The following RBFOX1 variants were observed in gnomAD, a reference collection of about 807,000 sequenced individuals.
RBFOX1 encodes the protein RNA binding fox-1 homolog 1.
RBFOX1 carries 8 observed loss-of-function variants against 57.7 expected under a neutral mutation model. The observed-to-expected ratio is 0.14, with a 90% confidence interval of 0.08 to 0.25. RBFOX1 has a LOEUF of 0.25. Ranked by LOEUF, RBFOX1 falls within the 10% of genes least tolerant of loss-of-function variation. The pLI, the probability that RBFOX1 is intolerant of heterozygous loss-of-function variation, is 1.00. For missense variants in RBFOX1, 611 were observed against 548.5 expected, an observed-to-expected ratio of 1.11 and a Z score of -1.14; for synonymous variants, 326 against 222.4, an observed-to-expected ratio of 1.47 and a Z score of -4.15.
chr16:7,029,612 T>A (rs965908123), intron 3 of RBFOX1, among the ~76,000 whole-genome samples: 6 of 152,132 alleles, frequency 3.9e-5, no homozygotes, highest in African/African-American at 1.4e-4. Context: ...TCATTGACAA[T>A]TTGTGGCAAA....
chr16:5,753,303 TAAAA>T (rs2053277839), intron 3 of RBFOX1, among the ~76,000 whole-genome samples: 1 of 152,286 alleles, frequency 6.6e-6, no homozygotes. Flanking sequence ...ATAGAACACT[TAAAA>T]AAATCCTCAT....
chr16:6,412,394 G>A (rs569986091), intron 2 of RBFOX1, among the ~76,000 whole-genome samples: 95 of 152,188 alleles, frequency 6.2e-4, no homozygotes, highest in Middle Eastern at 3.4e-3. Context: ...TTTTAAAGGA[G>A]GCCTTATTAG....
At chr16:5,821,288 CTTTTTTTATTTT>C (rs1567586090) in intron 3 of RBFOX1, among the ~76,000 whole-genome samples, 1 of 125,450 alleles carries the variant, frequency 8.0e-6, no homozygotes, top group Non-Finnish European at 1.7e-5. Context: ...GTCATTCTCT[CTTTTTTTATTTT>C]TTTTTTTTTT....
chr16:6,696,281 T>C (rs1240398008), intron 3 of RBFOX1, among the ~76,000 whole-genome samples: 1 of 152,230 alleles, frequency 6.6e-6, no homozygotes, highest in Non-Finnish European at 1.5e-5. Context: ...TTTAAACTTA[T>C]CTCCAAACTA....
In RBFOX1 at chr16:7,709,105, G is replaced by A; in HGVS notation, c.1045G>A (p.Ala349Thr). ...ADPYHHALAP[A>T]PTYGVGAMNA... Reference sequence around the variant, plus strand: ...CCCCTACCACCACGCACTTGCTCCAGCCCCCACCTACGGCGTTGGTGCCAT... The same window carrying A: ...CCCCTACCACCACGCACTTGCTCCAACCCCCACCTACGGCGTTGGTGCCAT... Residue 349 changes from alanine to threonine, a missense_variant, in exon 15 of 16, where the codon GCC becomes ACC. Around this residue, in one of 3 missense-constraint regions of RBFOX1, gnomAD observed 267 missense variants for 229.1 expected, o/e 1.17. Coordinates refer to ENST00000550418, the MANE Select transcript of RBFOX1 (RefSeq NM_018723.4). 1.9e-6 allele frequency: 3 copies of A among 1,613,798 alleles called. No individual in the cohort carries two copies. Among genetic ancestry groups the A allele is most frequent in the Non-Finnish European group, 2.5e-6 (3 of 1,179,828 alleles).
chr16:6,392,884 C>G (rs7195826), intron 2 of RBFOX1, among the ~76,000 whole-genome samples: 3 of 152,132 alleles, frequency 2.0e-5, no homozygotes, highest in Admixed American at 6.5e-5. Context: ...TTTTATCAGA[C>G]GCAACACCAG....
intron 3 of RBFOX1, among the ~76,000 whole-genome samples, chr16:7,049,004 C>T (rs1219660449): frequency 6.6e-6 from 1 of 152,048 alleles, no homozygotes; most frequent in South Asian, 2.1e-4. Flanking sequence ...GTAGTCTATT[C>T]CTTAGTTCAA....
At chr16:7,031,789 T>C (rs2042868201) in intron 3 of RBFOX1, among the ~76,000 whole-genome samples, 1 of 152,158 alleles carries the variant, frequency 6.6e-6, no homozygotes, top group South Asian at 2.1e-4. Flanking sequence ...AAGATGCAGA[T>C]GGCTTGTGTC....
At chr16:7,411,020 A>C in intron 4 of RBFOX1, among the ~76,000 whole-genome samples, 1 of 152,250 alleles carries the variant, frequency 6.6e-6, no homozygotes, top group East Asian at 1.9e-4. Context: ...ATCTTGGCTC[A>C]CTGCACCCTC....
intron 1 of RBFOX1, among the ~76,000 whole-genome samples, chr16:6,171,487 CACAT>C (rs1299083572): frequency 6.6e-6 from 1 of 152,174 alleles, no homozygotes; most frequent in Non-Finnish European, 1.5e-5. Flanking sequence ...GAAATTTAGA[CACAT>C]TCCTGGAGTT....
intron 3 of RBFOX1, among the ~76,000 whole-genome samples, chr16:6,662,119 C>T (rs180837746): frequency 3.4e-4 from 31 of 90,774 alleles, no homozygotes; most frequent in African/African-American, 1.1e-3. Flanking sequence ...TGGTGGTTGC[C>T]GAGGGCTGGG....
chr16:5,980,126 A>C (rs1330496291), intron 4 of RBFOX1, among the ~76,000 whole-genome samples: 1 of 152,230 alleles, frequency 6.6e-6, no homozygotes, highest in Non-Finnish European at 1.5e-5. Flanking sequence ...GGAAGGCAGG[A>C]AACTGCAATC....
At chr16:7,387,067 A>G (rs558544057) in intron 4 of RBFOX1, among the ~76,000 whole-genome samples, 3 of 151,896 alleles carry the variant, frequency 2.0e-5, no homozygotes, top group African/African-American at 4.8e-5. Flanking sequence ...CCACTTTTTG[A>G]TGGGGTTGTT....
intron 4 of RBFOX1, among the ~76,000 whole-genome samples, chr16:7,135,325 G>A (rs2071616819): frequency 6.6e-6 from 1 of 152,158 alleles, no homozygotes; most frequent in Admixed American, 6.5e-5. Context: ...GTTTGCAAGA[G>A]GAAATTTGTC....
Position 7,102,037 on chromosome 16 carries a change from T to C in RBFOX1, c.27+49939T>C, listed in dbSNP as rs536489682. On this transcript the variant is annotated intron_variant, in intron 4 of 15. Coordinates refer to ENST00000550418, the MANE Select transcript of RBFOX1 (RefSeq NM_018723.4). ...CAAATTTACATAAGCTACCAGTGTT[T>C]GCACCCATGCTGGGCTGGCCCCACC... 4.7e-3 allele frequency among the ~76,000 whole-genome samples: 722 copies of C among 152,302 alleles called. 5 individuals carry two copies. Among genetic ancestry groups the C allele is most frequent in the African/African-American group, 0.017 (696 of 41,568 alleles).
chr16:7,647,489 T>C (rs2063977540), intron 11 of RBFOX1, among the ~76,000 whole-genome samples: 1 of 152,026 alleles, frequency 6.6e-6, no homozygotes, highest in African/African-American at 2.4e-5. Flanking sequence ...CTGCGTCCTT[T>C]CCATTGTTCC....
intron 3 of RBFOX1, among the ~76,000 whole-genome samples, chr16:6,812,657 G>A (rs570651474): frequency 4.6e-5 from 7 of 152,252 alleles, no homozygotes; most frequent in East Asian, 1.9e-4. Context: ...GATTACAGGC[G>A]TGAGCTACCA....
intron 2 of RBFOX1, among the ~76,000 whole-genome samples, chr16:6,433,764 C>G (rs112257360): frequency 0.022 from 3,300 of 152,026 alleles, 125 homozygotes; most frequent in African/African-American, 0.074. Context: ...GTCCCTTCCT[C>G]CACCCTTCAA....
intron 4 of RBFOX1, among the ~76,000 whole-genome samples, chr16:7,119,398 A>G (rs1215392740): frequency 6.6e-6 from 1 of 152,098 alleles, no homozygotes; most frequent in Non-Finnish European, 1.5e-5. Context: ...AAGTACAATA[A>G]ACGAGCTATC....
Sources: gnomAD v4.1 joint callset for allele counts (sites outside exome capture counted in the v4.1 genomes callset) on GRCh38, gnomAD v4.1.1 for gene constraint, gnomAD v4.1.1 regional missense constraint, MANE v1.5 for transcripts, NCBI Gene and HGNC (gene_info 2026-07-23, HGNC 2026-07-21) for gene names.